The following DLGAP2 variants were observed in gnomAD, a reference collection of about 807,000 sequenced individuals.
DLGAP2 encodes the protein DLG associated protein 2.
DLGAP2 carries 26 observed loss-of-function variants against 100.3 expected under a neutral mutation model. The observed-to-expected ratio is 0.26, with a 90% CI of 0.19 to 0.36. The LOEUF (loss-of-function observed/expected upper bound fraction) is 0.36, where lower values mean the gene tolerates loss of function less well. Among genes scored for constraint, DLGAP2 ranks in the 10% least tolerant of loss-of-function variants. DLGAP2 has a pLI of 1.00. For synonymous variants in DLGAP2, 886 were observed against 630.1 expected (o/e 1.41, Z -6.08); for missense variants, 1,858 against 1,453.2 (o/e 1.28, Z -4.53).
intron 6 of DLGAP2, among the ~76,000 whole-genome samples, chr8:1,626,034 A>G (rs775568397): frequency 0.04 from 3,966 of 98,232 alleles, 230 homozygotes; most frequent in Middle Eastern, 0.07. Flanking sequence ...GCGGGTGCTC[A>G]GCCTCTGGGT....
rs1251356662 is a variant in DLGAP2, at chr8:973,274, G to A, written c.73+65308G>A. Reference sequence around the variant, plus strand: ...CTGTCCCCCCACCTCCCTCCCGGACGGGGCAGCTGGCCGGGCGGGGGCTGT... The same window carrying A: ...CTGTCCCCCCACCTCCCTCCCGGACAGGGCAGCTGGCCGGGCGGGGGCTGT... On this transcript the variant is annotated intron_variant, in intron 2 of 14. Transcript: ENST00000637795. Among the ~76,000 whole-genome samples, 26 of 147,384 alleles carry A rather than the reference G, an allele frequency of 1.8e-4. No homozygotes were observed. In the Admixed American group the frequency reaches 1.8e-3, roughly 10 times the overall value.
chr8:1,068,948 G>GCCTGGCCTTTGAAACCTGC (rs1803343901), intron 2 of DLGAP2, among the ~76,000 whole-genome samples: 2 of 152,136 alleles, frequency 1.3e-5, no homozygotes, highest in Non-Finnish European at 1.5e-5. Flanking sequence ...GCAGGTTCTG[G>GCCTGGCCTTTGAAACCTGC]CCTGGCCTTT....
In DLGAP2 at chr8:1,238,369, C is replaced by CACA. The variant is rs1798710595; in HGVS notation, c.74-20482_74-20481insACA. On this transcript the variant is annotated intron_variant, in intron 2 of 14. Transcript: ENST00000637795. Reference sequence around the variant, plus strand: ...CAGAGCATCGTGTCTAGTTCTCTCACGTGGCGCCGTGTCTAATTCTCTCAC... The same window carrying CACA: ...CAGAGCATCGTGTCTAGTTCTCTCACACAGTGGCGCCGTGTCTAATTCTCTCAC... Among the ~76,000 whole-genome samples the CACA allele has an allele frequency of 4.8e-3, 87 of 18,284 alleles. 13 individuals are homozygous for CACA. Among genetic ancestry groups the CACA allele is most frequent in the Non-Finnish European group, 6.8e-3 (55 of 8,034 alleles). 12.0% of individuals were successfully genotyped at this position (18,284 alleles called of 152,430 possible). A position where few individuals can be genotyped will look rare whatever the true frequency, so the allele number is the denominator to read the frequency against.
intron 2 of DLGAP2, among the ~76,000 whole-genome samples, chr8:1,008,436 A>C (rs1237504630): frequency 6.6e-6 from 1 of 152,248 alleles, no homozygotes; most frequent in Non-Finnish European, 1.5e-5. Flanking sequence ...AGGCAACTCA[A>C]CTTTTAAAAA....
intron 6 of DLGAP2, among the ~76,000 whole-genome samples, chr8:1,623,506 T>TGCAC: frequency 6.2e-5 from 9 of 144,994 alleles, no homozygotes; most frequent in African/African-American, 2.1e-4. Flanking sequence ...CACCAGTGCG[T>TGCAC]GATGACCTGA....
chr8:1,091,427 A>T (rs1394148736), intron 2 of DLGAP2, among the ~76,000 whole-genome samples: 1 of 152,220 alleles, frequency 6.6e-6, no homozygotes, highest in Non-Finnish European at 1.5e-5. Flanking sequence ...GTAAGACGCT[A>T]ACTATTAAAA....
chr8:1,639,855 C>G (rs138540290), intron 8 of DLGAP2, among the ~76,000 whole-genome samples: 1 of 152,208 alleles, frequency 6.6e-6, no homozygotes. Flanking sequence ...CTGACTCTGA[C>G]CCCCTCCCTT....
intron 1 of DLGAP2, among the ~76,000 whole-genome samples, chr8:772,598 C>T (rs972095424): frequency 6.6e-6 from 1 of 152,254 alleles, no homozygotes; most frequent in African/African-American, 2.4e-5. Context: ...GCTGGGACTA[C>T]AGGCATGAGC....
intron 5 of DLGAP2, among the ~76,000 whole-genome samples, chr8:1,563,873 A>G (rs1802282543): frequency 6.6e-6 from 1 of 152,180 alleles, no homozygotes; most frequent in African/African-American, 2.4e-5. Context: ...CACTGGAAAG[A>G]TGGCAGGTTC....
At chr8:1,602,535 A>C (rs1246858147) in intron 6 of DLGAP2, among the ~76,000 whole-genome samples, 1 of 152,214 alleles carries the variant, frequency 6.6e-6, no homozygotes, top group African/African-American at 2.4e-5. Flanking sequence ...GGGCCAGGCC[A>C]CCCCAGCATC....
At chr8:1,664,429 A>C (rs1454133263) in intron 8 of DLGAP2, among the ~76,000 whole-genome samples, 1 of 152,126 alleles carries the variant, frequency 6.6e-6, no homozygotes, top group African/African-American at 2.4e-5. Flanking sequence ...CTAGTCTCTG[A>C]TGCTGCACCC....
At chr8:1,478,256 G>T (rs1172124053) in intron 3 of DLGAP2, among the ~76,000 whole-genome samples, 1 of 152,132 alleles carries the variant, frequency 6.6e-6, no homozygotes, top group Non-Finnish European at 1.5e-5. Context: ...TGAACTGTCT[G>T]GGGTATGGGT....
At chr8:1,620,551 C>G (rs536037927) in intron 6 of DLGAP2, 3 of 152,434 alleles carry the variant, frequency 2.0e-5, no homozygotes, top group Non-Finnish European at 4.4e-5. Flanking sequence ...CAGGTCCAAC[C>G]TCCAAAACCT....
At chr8:1,312,949 C>G (rs1014001020) in intron 3 of DLGAP2, among the ~76,000 whole-genome samples, 54 of 152,202 alleles carry the variant, frequency 3.5e-4, no homozygotes, top group African/African-American at 1.1e-3. Context: ...GCGGTATGGC[C>G]TGATCTCAAA....
rs377071923 is a variant in DLGAP2, at chr8:1,039,295, G to A, written c.73+131329G>A. Among the ~76,000 whole-genome samples, 578 of 149,402 alleles carry A rather than the reference G, an allele frequency of 3.9e-3. 5 individuals are homozygous for A. The highest frequency in any genetic ancestry group is 7.8e-3 in the South Asian group (36 of 4,590). Reference sequence around the variant, plus strand: ...TCGGCTCGGTTTCCATGGTCGGCTCGGTTTCCATGGTCAGCTCGGTGTGCG... The same window carrying A: ...TCGGCTCGGTTTCCATGGTCGGCTCAGTTTCCATGGTCAGCTCGGTGTGCG... On this transcript the variant is annotated intron_variant, in intron 2 of 14. Transcript: ENST00000637795.
chr8:857,994 T>A (rs1219814944), intron 1 of DLGAP2, among the ~76,000 whole-genome samples: 1 of 152,048 alleles, frequency 6.6e-6, no homozygotes, highest in East Asian at 1.9e-4. Context: ...CCCAGCCTCC[T>A]GAGTAGCTGG....
intron 3 of DLGAP2, among the ~76,000 whole-genome samples, chr8:1,467,413 C>A (rs143629434): frequency 6.6e-6 from 1 of 151,482 alleles, no homozygotes. Flanking sequence ...CAGGACACCT[C>A]CCAGGAGCTC....
At chr8:1,001,579 G>A (rs1192977482) in intron 2 of DLGAP2, among the ~76,000 whole-genome samples, 1 of 152,104 alleles carries the variant, frequency 6.6e-6, no homozygotes, top group African/African-American at 2.4e-5. Flanking sequence ...AGAAATGATT[G>A]GAAAAAACCG....
intron 6 of DLGAP2, among the ~76,000 whole-genome samples, chr8:1,591,596 A>C (rs1267409892): frequency 6.6e-6 from 1 of 151,546 alleles, no homozygotes; most frequent in Non-Finnish European, 1.5e-5. Flanking sequence ...TTTCTTTGGG[A>C]CTCACTGTGG....
Sources: allele counts gnomAD v4.1 joint callset (sites outside exome capture counted in the v4.1 genomes callset), GRCh38; gene constraint gnomAD v4.1.1; transcripts MANE v1.5; gene names NCBI Gene and HGNC (gene_info 2026-07-23, HGNC 2026-07-21).